The following MAPK10 variants were observed in gnomAD, a reference collection of about 807,000 sequenced individuals.
MAPK10 encodes JNK3 alpha protein kinase.
A neutral mutation model predicts 59.3 loss-of-function variants in MAPK10; 25 were observed. That is an observed-to-expected ratio of 0.42 (90% CI 0.31 to 0.59). MAPK10 has a LOEUF of 0.59. MAPK10 is among the 20% of genes least tolerant of loss of function. MAPK10 has a pLI of 0.15. For missense variants in MAPK10, 351 were observed against 568.9 expected (o/e 0.62, Z 3.90); for synonymous variants, 190 against 200.5 (o/e 0.95, Z 0.44).
At chr4:86,315,722 T>G (rs1026350948) in intron 2 of MAPK10, among the ~76,000 whole-genome samples, 3 of 152,136 alleles carry the variant, frequency 2.0e-5, no homozygotes, top group Admixed American at 6.6e-5. Flanking sequence ...ACAGGGTTGC[T>G]TTCTAATGCA....
intron 1 of MAPK10, among the ~76,000 whole-genome samples, chr4:86,545,142 A>G (rs1222011774): frequency 1.3e-5 from 2 of 152,236 alleles, no homozygotes; most frequent in Non-Finnish European, 2.9e-5. Flanking sequence ...GTGTATCAAC[A>G]TAAGGCTAAG....
chr4:86,289,264 G>T (rs2095140695), intron 2 of MAPK10, among the ~76,000 whole-genome samples: 1 of 152,166 alleles, frequency 6.6e-6, no homozygotes, highest in Admixed American at 6.6e-5. Context: ...AGGCAGAAAA[G>T]GTAGCCAGGG....
At chr4:86,273,573 C>T (rs967641499) in intron 2 of MAPK10, among the ~76,000 whole-genome samples, 7 of 151,974 alleles carry the variant, frequency 4.6e-5, no homozygotes, top group Non-Finnish European at 5.9e-5. Context: ...ATACATAAAA[C>T]GGCCTGGTAG....
chr4:86,042,634 G>C (rs1267546589), intron 11 of MAPK10, among the ~76,000 whole-genome samples: 1 of 152,080 alleles, frequency 6.6e-6, no homozygotes, highest in Non-Finnish European at 1.5e-5. Context: ...AAAGTAGCTT[G>C]TTATAACTAT....
chr4:86,502,479 T>C (rs369862707), intron 1 of MAPK10, among the ~76,000 whole-genome samples: 2 of 152,048 alleles, frequency 1.3e-5, no homozygotes, highest in South Asian at 2.1e-4. Context: ...ACATTTCTCT[T>C]GACCATTCCT....
At chr4:86,437,951 T>C (rs529058017) in intron 1 of MAPK10, among the ~76,000 whole-genome samples, 3 of 152,342 alleles carry the variant, frequency 2.0e-5, no homozygotes, top group Admixed American at 1.3e-4. Context: ...CTATCATGAT[T>C]TAATCTCATA....
chr4:86,431,011 C>T (rs561116153), intron 1 of MAPK10, among the ~76,000 whole-genome samples: 9 of 150,554 alleles, frequency 6.0e-5, no homozygotes, highest in Non-Finnish European at 7.4e-5. Flanking sequence ...TATAAGAAGG[C>T]TATTGCAATG....
chr4:86,385,978 T>A (rs12512698), intron 1 of MAPK10, among the ~76,000 whole-genome samples: 26,987 of 152,102 alleles, frequency 0.18, 2,497 homozygotes, highest in East Asian at 0.25. Context: ...GAAAACTCTG[T>A]GACTCATAAA....
chr4:86,406,968 A>G (rs1360149834), intron 1 of MAPK10, among the ~76,000 whole-genome samples: 1 of 152,140 alleles, frequency 6.6e-6, no homozygotes, highest in Non-Finnish European at 1.5e-5. Flanking sequence ...CAGGGCCTCA[A>G]TCTCCTGCAC....
chr4:86,023,851 A>AT (rs1491271631), intron 13 of MAPK10: 61 of 128,320 alleles, frequency 4.8e-4, no homozygotes, highest in African/African-American at 9.2e-4. Flanking sequence ...ATATATATAT[A>AT]AAATGAATGT....
intron 6 of MAPK10, chr4:86,102,579 G>C (rs2055662037): frequency 6.5e-6 from 1 of 153,710 alleles, no homozygotes; most frequent in Non-Finnish European, 1.4e-5. Context: ...GGAGTGCAGT[G>C]GTACGATCTC....
At position 86,075,293 on chromosome 4, in the gene MAPK10, T is replaced by G. The variant is rs953947843; in HGVS notation, c.803-7338A>C. ...TATTGGTTATTCTAGTTATACATTC[T>G]TCTAAATTTTTTTCAAAGTTTTTAA... On this transcript the variant is annotated intron_variant, in intron 9 of 13. Transcript: ENST00000641462. Among the ~76,000 whole-genome samples the G allele has an allele frequency of 7.4e-3, 1,122 of 152,152 alleles. 13 individuals carry two copies. The highest frequency in any genetic ancestry group is 0.025 in the African/African-American group (1,034 of 41,530).
chr4:86,335,408 A>G (rs2148923967), intron 2 of MAPK10, among the ~76,000 whole-genome samples: 1 of 152,328 alleles, frequency 6.6e-6, no homozygotes, highest in African/African-American at 2.4e-5. Context: ...GTCTGTAATG[A>G]TTCTGCCTTA....
intron 10 of MAPK10, among the ~76,000 whole-genome samples, chr4:86,067,317 T>A (rs1015452314): frequency 2.0e-4 from 30 of 152,060 alleles, no homozygotes; most frequent in Non-Finnish European, 4.4e-5. Flanking sequence ...AATTTTTTTA[T>A]ATTTTTAGGA....
chr4:86,041,209 C>T (rs1413867108), intron 11 of MAPK10, among the ~76,000 whole-genome samples: 1 of 152,076 alleles, frequency 6.6e-6, no homozygotes, highest in Non-Finnish European at 1.5e-5. Context: ...TTCGACAAAC[C>T]TGACAAAAAC....
intron 10 of MAPK10, among the ~76,000 whole-genome samples, chr4:86,066,430 G>A (rs1354405667): frequency 6.6e-6 from 1 of 151,972 alleles, no homozygotes; most frequent in Non-Finnish European, 1.5e-5. Context: ...ATTCTCATAA[G>A]ATTCTCTCAT....
chr4:86,161,554 G>A (rs1195182487), intron 3 of MAPK10, among the ~76,000 whole-genome samples: 1 of 149,538 alleles, frequency 6.7e-6, no homozygotes, highest in East Asian at 2.0e-4. Context: ...ACTGGAGCTA[G>A]AATATAACAT....
rs7691277 is a variant in MAPK10, at chr4:86,391,866, A to G, written c.-121-37222T>C. On this transcript the variant is annotated intron_variant, in intron 1 of 13. Coordinates refer to the MAPK10 transcript ENST00000361569. ...ATAGCCCTTTCACATTCTCAGGCCA[A>G]TTGCTTCAAGTAAAATTATCTCTAC... Among the ~76,000 whole-genome samples the G allele has an allele frequency of 1.0e-2, 1,522 of 152,272 alleles. 18 individuals carry two copies. Among genetic ancestry groups the G allele is most frequent in the African/African-American group, 0.035 (1,440 of 41,550 alleles).
At chr4:86,381,332 T>G (rs971689832) in intron 1 of MAPK10, among the ~76,000 whole-genome samples, 2 of 152,160 alleles carry the variant, frequency 1.3e-5, no homozygotes, top group Non-Finnish European at 2.9e-5. Flanking sequence ...TTGCCTTCTC[T>G]CTGGCTCCAT....
Sources: gnomAD v4.1 joint callset for allele counts (sites outside exome capture counted in the v4.1 genomes callset) on GRCh38, gnomAD v4.1.1 for gene constraint, MANE v1.5 for transcripts, NCBI Gene and HGNC (gene_info 2026-07-23, HGNC 2026-07-21) for gene names.